Variants in PCDH15 observed in about 807,000 individuals in gnomAD.
PCDH15 encodes protocadherin-15.
Under a neutral mutation model 178.5 loss-of-function variants are expected in PCDH15, and 129 were observed. The ratio of observed to expected loss-of-function variants is 0.72; its 90% CI spans 0.63 to 0.84. PCDH15 has a LOEUF of 0.84. Ranked by LOEUF, PCDH15 falls within the 40% of genes least tolerant of loss-of-function variation. The pLI, the probability that PCDH15 is intolerant of heterozygous loss-of-function variation, is 0.00. For missense variants in PCDH15, 2,230 were observed against 2,099.9 expected (o/e 1.06, Z -1.21); for synonymous variants, 800 against 732.0 (o/e 1.09, Z -1.50).
At chr10:54,718,728 G>A (rs7096793) in intron 1 of PCDH15, among the ~76,000 whole-genome samples, 16,553 of 123,358 alleles carry the variant, frequency 0.13, 1,064 homozygotes, top group Middle Eastern at 0.2. Context: ...GTCTCACTCT[G>A]TTGCCCAAGC....
chr10:55,553,260 C>T (rs1445995914), intron 2 of PCDH15, among the ~76,000 whole-genome samples: 5 of 150,530 alleles, frequency 3.3e-5, no homozygotes, highest in Non-Finnish European at 7.4e-5. Context: ...TGTGGTTCAC[C>T]TCTGGATTTC....
At chr10:55,256,905 T>C (rs1842014446) in intron 1 of PCDH15, among the ~76,000 whole-genome samples, 1 of 152,180 alleles carries the variant, frequency 6.6e-6, no homozygotes, top group Non-Finnish European at 1.5e-5. Context: ...GCTGGAGATC[T>C]GAGAATGGAC....
chr10:55,095,370 G>GC (rs903852389), intron 2 of PCDH15, among the ~76,000 whole-genome samples: 7 of 151,968 alleles, frequency 4.6e-5, no homozygotes, highest in Admixed American at 3.3e-4. Flanking sequence ...TTGAGGAAAA[G>GC]TTTCAATATC....
intron 3 of PCDH15, among the ~76,000 whole-genome samples, chr10:54,872,015 G>A (rs919053953): frequency 1.2e-4 from 19 of 152,042 alleles, no homozygotes; most frequent in African/African-American, 4.6e-4. Context: ...TTAAAAATCT[G>A]AGCCCTAGTA....
At chr10:54,585,995 A>C (rs941992676) in intron 2 of PCDH15, among the ~76,000 whole-genome samples, 2 of 152,064 alleles carry the variant, frequency 1.3e-5, no homozygotes, top group African/African-American at 4.8e-5. Context: ...GGACAATAAA[A>C]TTAATAAAAT....
At chr10:55,260,232 G>T (rs995224601) in intron 1 of PCDH15, among the ~76,000 whole-genome samples, 1 of 151,732 alleles carries the variant, frequency 6.6e-6, no homozygotes, top group East Asian at 1.9e-4. Context: ...ATACTAGTGA[G>T]GAGTCATTTT....
intron 2 of PCDH15, among the ~76,000 whole-genome samples, chr10:54,588,007 G>T (rs1019797481): frequency 2.0e-5 from 3 of 152,058 alleles, no homozygotes; most frequent in Admixed American, 2.0e-4. Flanking sequence ...ATTTTGAAAA[G>T]AAATTAAAGG....
intron 2 of PCDH15, among the ~76,000 whole-genome samples, chr10:55,394,488 T>C (rs1837875017): frequency 6.6e-6 from 1 of 151,998 alleles, no homozygotes; most frequent in African/African-American, 2.4e-5. Flanking sequence ...CCTGGTTAAT[T>C]ACAAGATAGA....
chr10:54,387,022 G>A (rs1225934557), intron 3 of PCDH15, among the ~76,000 whole-genome samples: 2 of 151,826 alleles, frequency 1.3e-5, no homozygotes, highest in African/African-American at 2.4e-5. Context: ...AAGAAGTGAG[G>A]TAATACATAT....
At chr10:55,557,843 A>G (rs1842120537) in intron 2 of PCDH15, among the ~76,000 whole-genome samples, 1 of 152,178 alleles carries the variant, frequency 6.6e-6, no homozygotes, top group Admixed American at 6.6e-5. Context: ...GACATATGGA[A>G]GTGGTAAAGA....
intron 15 of PCDH15, among the ~76,000 whole-genome samples, chr10:54,110,023 G>A (rs891497766): frequency 2.6e-5 from 4 of 152,068 alleles, no homozygotes; most frequent in Non-Finnish European, 5.9e-5. Context: ...CAAGTGGAAT[G>A]AAGAAGGCAA....
chr10:54,961,631 G>A (rs1349216910), intron 2 of PCDH15, among the ~76,000 whole-genome samples: 1 of 152,186 alleles, frequency 6.6e-6, no homozygotes, highest in African/African-American at 2.4e-5. Flanking sequence ...AGGGTGACCT[G>A]CCTGCTGGAA....
intron 14 of PCDH15, among the ~76,000 whole-genome samples, chr10:54,137,038 T>C (rs1031524185): frequency 2.6e-5 from 4 of 152,208 alleles, no homozygotes; most frequent in Non-Finnish European, 4.4e-5. Context: ...ATCCCTGATG[T>C]CAGCACAGTG....
At chr10:54,080,285 C>CT (rs1260796540) in intron 16 of PCDH15, among the ~76,000 whole-genome samples, 2 of 152,036 alleles carry the variant, frequency 1.3e-5, no homozygotes, top group African/African-American at 4.8e-5. Flanking sequence ...TACTCCTTAT[C>CT]TTTTCACTGC....
At chr10:55,315,735 T>A (rs1294988873) in intron 1 of PCDH15, among the ~76,000 whole-genome samples, 2 of 152,188 alleles carry the variant, frequency 1.3e-5, no homozygotes, top group Admixed American at 1.3e-4. Flanking sequence ...ACAAATATTT[T>A]GGCTGGGCTT....
intron 2 of PCDH15, among the ~76,000 whole-genome samples, chr10:54,984,633 G>A (rs1839319685): frequency 6.6e-6 from 1 of 152,138 alleles, no homozygotes; most frequent in African/African-American, 2.4e-5. Context: ...GAGTCTAGGA[G>A]TTTGAGACCA....
rs1842746428 is a variant in PCDH15 at position 55,282,008 on chromosome 10, T to C, written c.-156+37591A>G. On this transcript the variant is annotated intron_variant, in intron 1 of 5. Coordinates refer to the PCDH15 transcript ENST00000458638. ...TGGACTAATGAAATAGCTTCATAAC[T>C]ATTATATCCATATTGACTTTGGCTA... Among the ~76,000 whole-genome samples the C allele has an allele frequency of 2.6e-5, 4 of 152,206 alleles. 1 individual carries two copies. The highest frequency in any genetic ancestry group is 5.9e-5 in the Non-Finnish European group (4 of 68,036).
At chr10:55,154,822 A>G (rs1253353580) in intron 2 of PCDH15, among the ~76,000 whole-genome samples, 2 of 152,162 alleles carry the variant, frequency 1.3e-5, no homozygotes, top group African/African-American at 2.4e-5. Context: ...TTCTCTTTAC[A>G]TCAATGTAAA....
intron 2 of PCDH15, among the ~76,000 whole-genome samples, chr10:54,558,470 A>G (rs1382398110): frequency 6.6e-6 from 1 of 152,040 alleles, no homozygotes; most frequent in Non-Finnish European, 1.5e-5. Flanking sequence ...AACTCTGTAT[A>G]ATCTCAGTTA....
Sources: gnomAD v4.1 joint callset for allele counts (sites outside exome capture counted in the v4.1 genomes callset) on GRCh38, gnomAD v4.1.1 for gene constraint, MANE v1.5 for transcripts, NCBI Gene and HGNC (gene_info 2026-07-23, HGNC 2026-07-21) for gene names.